Variants in F10 observed in about 807,000 individuals in gnomAD.
F10 encodes coagulation factor X.
A neutral mutation model predicts 37.1 loss-of-function variants in F10; 29 were observed. That is an observed-to-expected ratio of 0.78 (90% confidence interval 0.58 to 1.07). F10 has a LOEUF of 1.07. Among genes scored for constraint, F10 ranks in the 50% least tolerant of loss-of-function variants. The probability of loss-of-function intolerance (pLI) is 0.00; values close to 1 mark genes in which losing one functional copy is unlikely to be tolerated. For missense variants in F10, 539 were observed against 667.9 expected (o/e 0.81, Z 2.13); for synonymous variants, 262 against 268.6 (o/e 0.98, Z 0.24).
chr13:113,144,148 T>G lies in F10; in HGVS notation c.747+53T>G. 6.2e-7 allele frequency: 1 copy of G among 1,610,576 alleles called. No homozygotes were observed. Among genetic ancestry groups the G allele is most frequent in the Non-Finnish European group, 8.5e-7 (1 of 1,179,548 alleles). On this transcript the variant is annotated intron_variant, in intron 6 of 7. Transcript: ENST00000375559. This position sits in a 1 kb window ranked among gnomAD's most constrained non-coding sequence, Gnocchi z 6.4. ...GCTGGAGAGACCACCTGTCCCGCTG[T>G]GCACCTCGGGGAGGCCAGCCTGACA...
intron 6 of F10, among the ~76,000 whole-genome samples, chr13:113,145,696 C>T (rs375613685): frequency 5.0e-4 from 76 of 152,168 alleles, no homozygotes; most frequent in Non-Finnish European, 9.4e-4. Context: ...CGGTGGAAGG[C>T]GCAAGGCACG....
At chr13:113,123,760 C>T (rs1402598815) in intron 1 of F10, among the ~76,000 whole-genome samples, 3 of 152,172 alleles carry the variant, frequency 2.0e-5, no homozygotes, top group African/African-American at 4.8e-5. Flanking sequence ...ACGGCCCCTC[C>T]GCCTGGTGAC....
intron 2 of F10, among the ~76,000 whole-genome samples, chr13:113,133,203 AT>A (rs552797502): frequency 6.6e-6 from 1 of 152,268 alleles, no homozygotes; most frequent in Admixed American, 6.5e-5. Flanking sequence ...AAAGAAAAAA[AT>A]AAACCAAAAG....
chr13:113,138,441 TC>T lies in F10; in HGVS notation c.232-15del. The T allele has an allele frequency of 8.2e-7, 1 of 1,212,978 alleles. No homozygotes were observed. Among genetic ancestry groups the T allele is most frequent in the Non-Finnish European group, 1.2e-6 (1 of 824,354 alleles). The allele number at this position is 1,212,978 out of a possible 1,614,324, so 75.1% of individuals were successfully genotyped here. A position where few individuals can be genotyped will look rare whatever the true frequency, so the allele number is the denominator to read the frequency against. On this transcript the variant is annotated splice_polypyrimidine_tract_variant and intron_variant, in intron 2 of 7. Coordinates refer to ENST00000375559, the MANE Select transcript of F10 (RefSeq NM_000504.4). ...GTTTTCCCTAATATATTTTTAAATTTCTTTTTTCCTTTTAGAATGAATTCTG... is the reference window on the plus strand; with the variant it reads ...GTTTTCCCTAATATATTTTTAAATTTTTTTTTCCTTTTAGAATGAATTCTG...
In F10 at chr13:113,129,441, C is replaced by A. The variant is rs751731479; in HGVS notation, c.71-11C>A. On this transcript the variant is annotated splice_polypyrimidine_tract_variant and intron_variant, in intron 1 of 7. Transcript: ENST00000375559. ...ACCAGAGCTTTTAACCCTGTCCTCC[C>A]TGCCTTCCAGTGTTCATCCGCAGGG... The A allele has an allele frequency of 1.9e-6, 3 of 1,612,508 alleles. No homozygotes were observed. Among genetic ancestry groups the A allele is most frequent in the African/African-American group, 2.7e-5 (2 of 74,706 alleles).
intron 6 of F10, among the ~76,000 whole-genome samples, chr13:113,145,485 T>TCAATTAAATTTCAATTTCA (rs2036574025): frequency 2.6e-5 from 4 of 152,256 alleles, no homozygotes; most frequent in African/African-American, 9.7e-5. Context: ...AGAAATACTT[T>TCAATTAAATTTCAATTTCA]CAGTGTAAGT....
chr13:113,142,367 C>A (rs920459698), intron 5 of F10, among the ~76,000 whole-genome samples: 5 of 143,860 alleles, frequency 3.5e-5, no homozygotes, highest in African/African-American at 5.1e-5. Flanking sequence ...CAGTGAAACC[C>A]CGTCTCTAGT....
At chr13:113,137,473 C>T (rs971151914) in intron 2 of F10, among the ~76,000 whole-genome samples, 1 of 152,154 alleles carries the variant, frequency 6.6e-6, no homozygotes, top group African/African-American at 2.4e-5. Context: ...TACACCAAAA[C>T]ATTGGTTTTG....
At position 113,124,673 on chromosome 13, in the gene F10, C is replaced by T. The variant is rs150612213; in HGVS notation, c.70+1748C>T. Among the ~76,000 whole-genome samples the T allele has an allele frequency of 6.7e-4, 102 of 152,374 alleles. No homozygotes were observed. The East Asian group carries it at 0.019, about 28-fold the overall frequency. ...CAGCATCTGCAGTCTAGCCTTTAAA[C>T]GAGCACAGCTGTCCTGGCAGTCACG... On this transcript the variant is annotated intron_variant, in intron 1 of 7. Transcript: ENST00000375559.
intron 6 of F10, among the ~76,000 whole-genome samples, chr13:113,145,056 A>G (rs1353266855): frequency 6.6e-6 from 1 of 151,872 alleles, no homozygotes; most frequent in Non-Finnish European, 1.5e-5. Context: ...TTTTTTTTGT[A>G]TTTTTAGTAG....
At chr13:113,137,759 G>A (rs1480676453) in intron 2 of F10, among the ~76,000 whole-genome samples, 2 of 152,116 alleles carry the variant, frequency 1.3e-5, no homozygotes, top group South Asian at 2.1e-4. Context: ...TTTCATCTTC[G>A]CATGGCCTTC....
intron 4 of F10, among the ~76,000 whole-genome samples, chr13:113,140,096 T>A (rs2036513416): frequency 7.5e-6 from 1 of 133,174 alleles, no homozygotes; most frequent in South Asian, 2.4e-4. Flanking sequence ...TTTTTTGAGA[T>A]GGAGTCTCGC....
intron 2 of F10, among the ~76,000 whole-genome samples, chr13:113,134,592 A>G (rs903947454): frequency 2.0e-5 from 3 of 152,154 alleles, no homozygotes; most frequent in South Asian, 2.1e-4. Flanking sequence ...CTCACTACAC[A>G]TGGGGATTAT....
rs1372729864 is a variant in F10 at position 113,143,731 on chromosome 13, C to T, written c.503-120C>T. 3.4e-6 allele frequency: 5 copies of T among 1,487,446 alleles called. No individual in the cohort carries two copies. In the African/African-American group the frequency reaches 5.6e-5, roughly 17 times the overall value. 92.1% of individuals were successfully genotyped at this position (1,487,446 alleles called of 1,614,324 possible). A position where few individuals can be genotyped will look rare whatever the true frequency, so the allele number is the denominator to read the frequency against. ...GCCTCGCCCTGCAAGCCCGCTGCCC[C>T]TCCGGGTGCCCCTGCGCTCTGCCTC... On this transcript the variant is annotated intron_variant, in intron 5 of 7. Coordinates refer to ENST00000375559, the MANE Select transcript of F10 (RefSeq NM_000504.4). The surrounding 1 kb of genome is among the most constrained non-coding windows in gnomAD (Gnocchi z 6.8).
chr13:113,129,030 T>C (rs1296286127), intron 1 of F10: 2 of 225,734 alleles, frequency 8.9e-6, no homozygotes, highest in South Asian at 1.3e-4. Context: ...CAAATACAAT[T>C]TGGAGTAAAA....
At position 113,127,327 on chromosome 13, in the gene F10, G is replaced by C. The variant is rs2036379953; in HGVS notation, c.71-2125G>C. On this transcript the variant is annotated intron_variant, in intron 1 of 7. Transcript: ENST00000375559. ...TGAGGGAAGGCATCTGTCATAGTGA[G>C]AGAGCTGAAAACATGGAGCTCAGGA... Among the ~76,000 whole-genome samples the C allele has an allele frequency of 3.3e-5, 5 of 152,230 alleles. No homozygotes were observed. In the South Asian group the frequency reaches 1.0e-3, roughly 32 times the overall value.
At chr13:113,138,028 G>T (rs1400170611) in intron 2 of F10, among the ~76,000 whole-genome samples, 1 of 152,160 alleles carries the variant, frequency 6.6e-6, no homozygotes, top group Non-Finnish European at 1.5e-5. Context: ...GGCTCTTGAT[G>T]ACCTGTTTTA....
intron 5 of F10, among the ~76,000 whole-genome samples, chr13:113,142,394 A>G (rs1213607699): frequency 6.6e-6 from 1 of 150,794 alleles, no homozygotes. Context: ...ACAAAAAAAA[A>G]AAAAAATTAG....
At chr13:113,129,976 G>A (rs1472080987) in intron 2 of F10, 2 of 343,854 alleles carry the variant, frequency 5.8e-6, no homozygotes, top group Non-Finnish European at 1.1e-5. Context: ...CTGAGATCGT[G>A]CCCTCCCACG....
Sources: allele counts gnomAD v4.1 joint callset (sites outside exome capture counted in the v4.1 genomes callset), GRCh38; gene constraint gnomAD v4.1.1; non-coding constraint Gnocchi (gnomAD v3.1); transcripts MANE v1.5; gene names NCBI Gene and HGNC (gene_info 2026-07-23, HGNC 2026-07-21).